The following USP25 variants were observed in gnomAD, a reference collection of about 807,000 sequenced individuals.
The protein encoded by USP25 is ubiquitin specific peptidase 25, also known as ubiquitin carboxyl-terminal hydrolase 25.
USP25 carries 85 observed loss-of-function variants against 158.5 expected under a neutral mutation model. The observed-to-expected ratio is 0.54, with a 90% CI of 0.45 to 0.64. USP25 has a LOEUF of 0.64. USP25 is among the 30% of genes least tolerant of loss of function. The probability of loss-of-function intolerance (pLI) is 0.00; values close to 1 mark genes in which losing one functional copy is unlikely to be tolerated. For synonymous variants in USP25, 464 were observed against 460.4 expected (o/e 1.01, Z -0.10); for missense variants, 1,242 against 1,327.3 (o/e 0.94, Z 1.00).
At chr21:15,750,637 C>T (rs1600805230) in intron 1 of USP25, among the ~76,000 whole-genome samples, 1 of 151,458 alleles carries the variant, frequency 6.6e-6, no homozygotes. Context: ...GATAGAGTCT[C>T]GCTCTGTCGC....
rs563426084 is a variant in USP25 at position 15,740,701 on chromosome 21, A to G, written c.45+10263A>G. 2.6e-3 allele frequency among the ~76,000 whole-genome samples: 307 copies of G among 116,820 alleles called. 6 individuals are homozygous for G. Among genetic ancestry groups the G allele is most frequent in the African/African-American group, 9.1e-3 (292 of 32,008 alleles). The allele number at this position is 116,820 out of a possible 152,430, so 76.6% of individuals were successfully genotyped here. On this transcript the variant is annotated intron_variant, in intron 1 of 25. Coordinates refer to ENST00000400183, the MANE Select transcript of USP25 (RefSeq NM_001283041.3). ...GTATGTGCGTGTGTATTTGTGTATG[A>G]ATAATTCCTATAGGATTTTTTTGTG... is the stretch of plus-strand genomic sequence containing the variant.
chr21:15,811,492 G>A (rs1462941257), intron 9 of USP25, among the ~76,000 whole-genome samples: 1 of 152,124 alleles, frequency 6.6e-6, no homozygotes, highest in Admixed American at 6.6e-5. Flanking sequence ...GGAATACAGG[G>A]ATTAATGGGA....
Position 15,826,942 on chromosome 21 carries a change from A to G in USP25, c.1467-35A>G. ...ATCTTTGTCAAGAGTTTCAGCTTGA[A>G]AGGTTAATAAGAAATACTCTATGCT... On this transcript the variant is annotated intron_variant, in intron 13 of 25. Coordinates refer to ENST00000400183, the MANE Select transcript of USP25 (RefSeq NM_001283041.3). This position sits in a 1 kb window ranked among gnomAD's most constrained non-coding sequence, Gnocchi z 4.8. 6.2e-7 allele frequency: 1 copy of G among 1,602,162 alleles called. No homozygotes were observed. The highest frequency in any genetic ancestry group is 8.5e-7 in the Non-Finnish European group (1 of 1,174,370).
At chr21:15,823,755 C>T (rs1250097776) in intron 10 of USP25, among the ~76,000 whole-genome samples, 2 of 152,046 alleles carry the variant, frequency 1.3e-5, no homozygotes, top group Non-Finnish European at 2.9e-5. Flanking sequence ...GTGTCTTTTT[C>T]TTTGGGCTAG....
intron 9 of USP25, among the ~76,000 whole-genome samples, chr21:15,814,647 C>G (rs1043869720): frequency 6.6e-6 from 1 of 152,118 alleles, no homozygotes; most frequent in Non-Finnish European, 1.5e-5. Flanking sequence ...TTGCCTCTGC[C>G]CTAGAGATTT....
In USP25 at chr21:15,730,457, C is replaced by T. The variant is rs1276249363; in HGVS notation, c.45+19C>T. On this transcript the variant is annotated intron_variant, in intron 1 of 25. Transcript: ENST00000400183. ...GCAGAAGGTGAGGCGAGTCCGCCAG[C>T]CGGCGGGCCCCACTTCTCCTTCCGA... 10 of 1,342,882 alleles carry T rather than the reference C, an allele frequency of 7.4e-6. No individual in the cohort carries two copies. The highest frequency in any genetic ancestry group is 3.5e-5 in the Admixed American group (1 of 28,548). 83.2% of individuals were successfully genotyped at this position (1,342,882 alleles called of 1,614,324 possible). A position where few individuals can be genotyped will look rare whatever the true frequency, so the allele number is the denominator to read the frequency against.
chr21:15,747,540 T>C (rs1351929747), intron 1 of USP25, among the ~76,000 whole-genome samples: 1 of 152,112 alleles, frequency 6.6e-6, no homozygotes, highest in Non-Finnish European at 1.5e-5. Flanking sequence ...ATAAATTAGG[T>C]AATTTATAAA....
intron 22 of USP25, among the ~76,000 whole-genome samples, chr21:15,866,841 G>T (rs1208747703): frequency 1.3e-5 from 2 of 152,108 alleles, no homozygotes; most frequent in Non-Finnish European, 2.9e-5. Flanking sequence ...ATAAGGCATA[G>T]AGCAGTGAAG....
At chr21:15,791,308 G>GA (rs1365185993) in intron 4 of USP25, among the ~76,000 whole-genome samples, 194 bp from the exon 5 acceptor site, 3 of 151,378 alleles carry the variant, frequency 2.0e-5, no homozygotes, top group Non-Finnish European at 4.4e-5. Context: ...TTTTTCTTAG[G>GA]AAAAAAGACT....
Position 15,791,624 on chromosome 21 carries a change from A to G in USP25, c.515A>G (p.Lys172Arg). The change falls in exon 5 of 26, where the codon AAG (lysine) becomes AGG (arginine). Residue 172 changes from lysine to arginine, a missense_variant. Transcript: ENST00000400183. ...CAGGACAAAGCTCCCGTTGGGCTAA[A>G]GAATGTTGGCAATACTTGTTGGTTT... ...KRQDKAPVGL[K>R]NVGNTCWFSA... 6.2e-7 allele frequency: 1 copy of G among 1,611,322 alleles called. No homozygotes were observed. The highest frequency in any genetic ancestry group is 8.5e-7 in the Non-Finnish European group (1 of 1,178,230).
At chr21:15,862,457 C>G (rs1328541983) in intron 20 of USP25, among the ~76,000 whole-genome samples, 1 of 151,870 alleles carries the variant, frequency 6.6e-6, no homozygotes, top group Non-Finnish European at 1.5e-5. Flanking sequence ...TAGCCTGTGA[C>G]AATCATTATC....
intron 1 of USP25, among the ~76,000 whole-genome samples, chr21:15,757,361 T>G (rs937508312): frequency 1.3e-5 from 2 of 152,230 alleles, no homozygotes; most frequent in Non-Finnish European, 2.9e-5. Context: ...CTTTTCATTG[T>G]TTCATTTTCA....
intron 12 of USP25, among the ~76,000 whole-genome samples, chr21:15,825,699 A>C (rs992493179): frequency 6.6e-6 from 1 of 152,166 alleles, no homozygotes; most frequent in African/African-American, 2.4e-5. Flanking sequence ...TGCAAACCCC[A>C]ATCTGCTCTG....
chr21:15,775,717 AG>A (rs1468297842), intron 3 of USP25, among the ~76,000 whole-genome samples: 1 of 141,688 alleles, frequency 7.1e-6, no homozygotes, highest in African/African-American at 2.6e-5. Context: ...AAACAGCCAA[AG>A]GCAACAGGAT....
In USP25 at chr21:15,774,596, CAGTTT is replaced by C. The variant is rs2123478435; in HGVS notation, c.269-3305_269-3301del. On this transcript the variant is annotated intron_variant, in intron 3 of 25. Transcript: ENST00000400183. ...AAAAATTGCATTCCATGGGAAAAAT[CAGTTT>C]AGCTTGTAACTCATTTTACACTAGT... 2.6e-5 allele frequency among the ~76,000 whole-genome samples: 4 copies of C among 152,128 alleles called. No homozygotes were observed. The South Asian group carries it at 8.3e-4, about 32-fold the overall frequency.
chr21:15,805,418 A>C (rs1332573617), intron 7 of USP25, 160 bp downstream of exon 7: 1 of 660,882 alleles, frequency 1.5e-6, no homozygotes, highest in South Asian at 5.7e-5. Flanking sequence ...TTTAAGAGAA[A>C]AGTGATCTTG....
chr21:15,818,573 C>T, intron 9 of USP25, 125 bp from the exon 10 acceptor site: 1 of 790,634 alleles, frequency 1.3e-6, no homozygotes. Context: ...TTAACACTAA[C>T]ACTTCTCAGG....
intron 20 of USP25, among the ~76,000 whole-genome samples, chr21:15,862,375 A>G (rs2039462680): frequency 6.6e-6 from 1 of 152,044 alleles, no homozygotes; most frequent in South Asian, 2.1e-4. Flanking sequence ...CAAACATTCC[A>G]AAATCTGAAA....
rs1436610291 is a variant in USP25, at chr21:15,797,834, A to G, written c.556-1923A>G. ...AAAATATTACAGTACTGAGAGAGAG[A>G]AGGAGAGGGAGAGAGGGAGAACACA... is the stretch of plus-strand genomic sequence containing the variant. On this transcript the variant is annotated intron_variant, in intron 5 of 25. Coordinates refer to ENST00000400183, the MANE Select transcript of USP25 (RefSeq NM_001283041.3). 1.3e-5 allele frequency among the ~76,000 whole-genome samples: 2 copies of G among 151,190 alleles called. 1 individual carries two copies. The highest frequency in any genetic ancestry group is 6.3e-3 in the Middle Eastern group (2 of 316).
Sources: gnomAD v4.1 joint callset for allele counts (sites outside exome capture counted in the v4.1 genomes callset) on GRCh38, gnomAD v4.1.1 for gene constraint, Gnocchi (gnomAD v3.1) non-coding constraint, MANE v1.5 for transcripts, NCBI Gene and HGNC (gene_info 2026-07-23, HGNC 2026-07-21) for gene names.